The following STXBP5L variants were observed in gnomAD, a reference collection of about 807,000 sequenced individuals.
STXBP5L encodes the protein syntaxin binding protein 5L, also known as syntaxin-binding protein 5-like.
In STXBP5L, 65 loss-of-function variants were observed where a neutral mutation model predicts 144.5. The observed-to-expected ratio is 0.45, with a 90% CI of 0.37 to 0.55. The LOEUF (loss-of-function observed/expected upper bound fraction) is 0.55. Among genes scored for constraint, STXBP5L ranks in the 20% least tolerant of loss-of-function variants. STXBP5L has a pLI of 0.00. For missense variants in STXBP5L, 1,298 were observed against 1,405.5 expected, an observed-to-expected ratio of 0.92 and a Z score of 1.22; for synonymous variants, 505 against 469.6, an observed-to-expected ratio of 1.08 and a Z score of -0.97.
At chr3:121,352,169 T>A (rs2045313250) in intron 20 of STXBP5L, among the ~76,000 whole-genome samples, 2 of 152,132 alleles carry the variant, frequency 1.3e-5, no homozygotes, top group Non-Finnish European at 2.9e-5. Context: ...CAATGCAGGA[T>A]CTTTTTTCGT....
chr3:121,114,715 G>A (rs978943476), intron 5 of STXBP5L, among the ~76,000 whole-genome samples: 2 of 151,778 alleles, frequency 1.3e-5, no homozygotes, highest in Non-Finnish European at 2.9e-5. Flanking sequence ...GCCCATATAG[G>A]CACTTATTAA....
At chr3:121,370,884 C>CTGTAT in intron 20 of STXBP5L, among the ~76,000 whole-genome samples, 1 of 152,266 alleles carries the variant, frequency 6.6e-6, no homozygotes, top group East Asian at 1.9e-4. Flanking sequence ...CCTGCACTGG[C>CTGTAT]TGTTTTGTCT....
chr3:121,022,754 G>T lies in STXBP5L; in HGVS notation c.288-18946G>T, dbSNP rs182686863. Reference sequence around the variant, plus strand: ...TCAGTAAAATTGGCAGAGAAGGGACGTATCTTAAGGTAAAGCCATCTGTGA... The same window carrying T: ...TCAGTAAAATTGGCAGAGAAGGGACTTATCTTAAGGTAAAGCCATCTGTGA... On this transcript the variant is annotated intron_variant, in intron 3 of 26. Transcript: ENST00000471454. 1.1e-4 allele frequency among the ~76,000 whole-genome samples: 16 copies of T among 152,068 alleles called. No individual in the cohort carries two copies. The East Asian group carries it at 3.1e-3, about 29-fold the overall frequency.
chr3:121,273,813 C>T (rs925448009), intron 18 of STXBP5L, among the ~76,000 whole-genome samples: 2 of 151,922 alleles, frequency 1.3e-5, no homozygotes, highest in Non-Finnish European at 2.9e-5. Flanking sequence ...TTGATCAAGT[C>T]GGCTAGCAGA....
intron 3 of STXBP5L, among the ~76,000 whole-genome samples, chr3:120,974,666 A>C (rs919856535): frequency 6.6e-6 from 1 of 152,100 alleles, no homozygotes. Flanking sequence ...TAGGGTTTTT[A>C]TGGTTTTAGG....
intron 3 of STXBP5L, among the ~76,000 whole-genome samples, chr3:120,960,668 C>T (rs897584109): frequency 2.6e-5 from 4 of 152,014 alleles, no homozygotes; most frequent in African/African-American, 9.7e-5. Context: ...GACAGAAAAA[C>T]CAAATACCGC....
At chr3:121,052,333 G>T (rs1287645936) in intron 5 of STXBP5L, among the ~76,000 whole-genome samples, 1 of 152,156 alleles carries the variant, frequency 6.6e-6, no homozygotes, top group Non-Finnish European at 1.5e-5. Context: ...GAACATCGAT[G>T]CAAAAATCCT....
At chr3:121,117,035 C>A (rs2107835199) in intron 6 of STXBP5L, among the ~76,000 whole-genome samples, 1 of 151,962 alleles carries the variant, frequency 6.6e-6, no homozygotes, top group Non-Finnish European at 1.5e-5. Flanking sequence ...TTCTTATATT[C>A]ATTTATGTAA....
chr3:121,060,342 A>C lies in STXBP5L; in HGVS notation c.470+14807A>C, dbSNP rs556318619. Among the ~76,000 whole-genome samples the C allele has an allele frequency of 3.3e-5, 5 of 152,206 alleles. 1 individual carries two copies. In the South Asian group the frequency reaches 1.0e-3, roughly 32 times the overall value. On this transcript the variant is annotated intron_variant, in intron 5 of 26. Transcript: ENST00000471454. ...GAAGCTGACTTGATTGTGGTGGATA[A>C]GCTTTTTGATGTGCTGCTGGACTTG... is the stretch of plus-strand genomic sequence containing the variant.
At chr3:121,100,588 C>A (rs1401357311) in intron 5 of STXBP5L, among the ~76,000 whole-genome samples, 1 of 151,940 alleles carries the variant, frequency 6.6e-6, no homozygotes, top group African/African-American at 2.4e-5. Context: ...TGGGATGCAA[C>A]AAAAGCAATG....
At chr3:121,127,852 A>G (rs1297448731) in intron 7 of STXBP5L, among the ~76,000 whole-genome samples, 2 of 151,798 alleles carry the variant, frequency 1.3e-5, no homozygotes, top group East Asian at 1.9e-4. Flanking sequence ...CTCTTTCACC[A>G]TTTCTGGAGG....
chr3:121,127,996 G>A (rs551405454), intron 7 of STXBP5L, among the ~76,000 whole-genome samples: 1 of 152,028 alleles, frequency 6.6e-6, no homozygotes, highest in Non-Finnish European at 1.5e-5. Context: ...TCAGATCTCA[G>A]ATCTCAGCAC....
At chr3:121,299,445 T>A (rs1348585365) in intron 19 of STXBP5L, among the ~76,000 whole-genome samples, 2 of 152,024 alleles carry the variant, frequency 1.3e-5, no homozygotes, top group Non-Finnish European at 2.9e-5. Flanking sequence ...ACTTTTTGAA[T>A]AAAAAGGCAT....
chr3:121,344,009 C>G (rs2108590981), intron 20 of STXBP5L, among the ~76,000 whole-genome samples: 1 of 152,200 alleles, frequency 6.6e-6, no homozygotes, highest in South Asian at 2.1e-4. Flanking sequence ...TACTACAAAG[C>G]TACAGTAACC....
intron 11 of STXBP5L, among the ~76,000 whole-genome samples, chr3:121,226,134 A>G (rs2049117524): frequency 6.6e-6 from 1 of 152,232 alleles, no homozygotes; most frequent in African/African-American, 2.4e-5. Context: ...GATATATTTC[A>G]CACAGATACT....
intron 22 of STXBP5L, among the ~76,000 whole-genome samples, chr3:121,390,696 A>T (rs569451275): frequency 3.7e-4 from 57 of 152,332 alleles, no homozygotes; most frequent in Middle Eastern, 3.4e-3. Flanking sequence ...TTCTTTAAGA[A>T]TGTTGAATAT....
At chr3:120,956,832 G>A (rs1017682929) in intron 3 of STXBP5L, among the ~76,000 whole-genome samples, 1 of 151,840 alleles carries the variant, frequency 6.6e-6, no homozygotes, top group Non-Finnish European at 1.5e-5. Context: ...AAATTTTAAT[G>A]AAGTTCAAGT....
chr3:121,210,287 T>C (rs2048507501), intron 10 of STXBP5L, among the ~76,000 whole-genome samples: 1 of 152,212 alleles, frequency 6.6e-6, no homozygotes, highest in African/African-American at 2.4e-5. Context: ...AGTTGTTTGT[T>C]TTTTTCTTGT....
chr3:121,143,858 G>A (rs1020807987), intron 7 of STXBP5L, among the ~76,000 whole-genome samples: 18 of 151,588 alleles, frequency 1.2e-4, no homozygotes, highest in Non-Finnish European at 2.4e-4. Context: ...AATAAACATA[G>A]GACCTTAAAC....
Sources: gnomAD v4.1 joint callset for allele counts (sites outside exome capture counted in the v4.1 genomes callset) on GRCh38, gnomAD v4.1.1 for gene constraint, MANE v1.5 for transcripts, NCBI Gene and HGNC (gene_info 2026-07-23, HGNC 2026-07-21) for gene names.